Variants in UNC13C observed in about 807,000 individuals in gnomAD.
UNC13C encodes the protein protein unc-13 homolog C.
In UNC13C, 174 loss-of-function variants were observed where a neutral mutation model predicts 245.4. The ratio of observed to expected loss-of-function variants is 0.71; its 90% confidence interval spans 0.63 to 0.80. UNC13C has a LOEUF of 0.80. UNC13C is among the 30% of genes least tolerant of loss of function. The probability of loss-of-function intolerance (pLI) is 0.00; values close to 1 mark genes in which losing one functional copy is unlikely to be tolerated. For synonymous variants in UNC13C, 992 were observed against 895.1 expected, an observed-to-expected ratio of 1.11 and a Z score of -1.93; for missense variants, 2,829 against 2,602.9, an observed-to-expected ratio of 1.09 and a Z score of -1.89.
At chr15:54,238,087 T>TTTTTTC (rs1402521742) in intron 7 of UNC13C, among the ~76,000 whole-genome samples, 1 of 148,420 alleles carries the variant, frequency 6.7e-6, no homozygotes, top group East Asian at 2.0e-4. Flanking sequence ...TTTTTTTTTT[T>TTTTTTC]TTTTTTTGAG....
chr15:54,075,594 G>T (rs1442449722), intron 2 of UNC13C, among the ~76,000 whole-genome samples: 1 of 143,716 alleles, frequency 7.0e-6, no homozygotes, highest in East Asian at 2.1e-4. Flanking sequence ...GTCCAAAACT[G>T]CAATTGCTTT....
At chr15:53,893,902 G>GA in the UNC13C span, among the ~76,000 whole-genome samples, 4 of 152,020 alleles carry the variant, frequency 2.6e-5, no homozygotes, top group South Asian at 4.2e-4. Context: ...CTGGGGTTTG[G>GA]AAAAAAAACT....
chr15:54,454,617 C>G (rs1026502133), intron 19 of UNC13C, among the ~76,000 whole-genome samples: 6 of 151,646 alleles, frequency 4.0e-5, no homozygotes, highest in African/African-American at 1.4e-4. Flanking sequence ...CTCCAAGCCC[C>G]TGATATCTTC....
intron 4 of UNC13C, among the ~76,000 whole-genome samples, chr15:54,204,558 C>G (rs1394121703): frequency 2.0e-5 from 3 of 151,958 alleles, no homozygotes; most frequent in African/African-American, 7.2e-5. Flanking sequence ...TTTGTCTACA[C>G]GTTTAATGTG....
the UNC13C span, among the ~76,000 whole-genome samples, chr15:53,947,050 C>A: frequency 6.6e-6 from 1 of 152,102 alleles, no homozygotes; most frequent in Non-Finnish European, 1.5e-5. Flanking sequence ...ATGAAACTTT[C>A]AATTTTTTAT....
intron 4 of UNC13C, among the ~76,000 whole-genome samples, chr15:54,220,323 A>C (rs917817688): frequency 3.3e-5 from 5 of 149,832 alleles, no homozygotes; most frequent in African/African-American, 1.3e-4. Flanking sequence ...GGAAATCATC[A>C]TTCTCAGTAA....
chr15:54,579,633 C>A (rs1476289063), intron 30 of UNC13C, among the ~76,000 whole-genome samples: 15 of 152,268 alleles, frequency 9.9e-5, no homozygotes, highest in African/African-American at 3.4e-4. Flanking sequence ...GTGGCACGCA[C>A]CTGCAGTCCC....
chr15:54,106,139 T>A, intron 2 of UNC13C, among the ~76,000 whole-genome samples: 1 of 152,156 alleles, frequency 6.6e-6, no homozygotes, highest in East Asian at 1.9e-4. Flanking sequence ...TTAAGCAGAT[T>A]TTAGTAATAA....
At chr15:54,219,375 C>T (rs1220513276) in intron 4 of UNC13C, among the ~76,000 whole-genome samples, 1 of 152,126 alleles carries the variant, frequency 6.6e-6, no homozygotes, top group East Asian at 1.9e-4. Flanking sequence ...ATAAATGGTG[C>T]TGGGAAAACT....
chr15:54,254,917 A>C (rs1006856067), intron 8 of UNC13C, among the ~76,000 whole-genome samples: 3 of 152,074 alleles, frequency 2.0e-5, no homozygotes, highest in Non-Finnish European at 4.4e-5. Flanking sequence ...CCGCCATGAT[A>C]ACTCCTCAGG....
chr15:54,584,487 A>G (rs761539552), intron 30 of UNC13C, among the ~76,000 whole-genome samples: 4 of 152,250 alleles, frequency 2.6e-5, no homozygotes, highest in Non-Finnish European at 4.4e-5. Flanking sequence ...TAAACGTGCA[A>G]AACTGTGAGT....
rs189961071 is a variant in UNC13C, at chr15:54,004,834, G to T, written c.-256-7814G>T. 2.4e-4 allele frequency among the ~76,000 whole-genome samples: 36 copies of T among 152,186 alleles called. No individual in the cohort carries two copies. The Middle Eastern group carries it at 0.01, about 43-fold the overall frequency. ...TGATAAATGTCTATTCAAGTGTTTT[G>T]CCCATTTTTAAATTGGATTATTAGA... On this transcript the variant is annotated intron_variant, in intron 1 of 32. Coordinates refer to ENST00000260323, the MANE Select transcript of UNC13C (RefSeq NM_001080534.3).
chr15:54,407,793 A>G (rs936812987), intron 18 of UNC13C, among the ~76,000 whole-genome samples: 22 of 152,320 alleles, frequency 1.4e-4, no homozygotes, highest in African/African-American at 4.6e-4. Context: ...TATGAAGCCA[A>G]TAATTTAAAC....
In UNC13C at chr15:54,494,859, A is replaced by C. The variant is rs140333272; in HGVS notation, c.5060+125A>C. 52 of 1,192,840 alleles carry C rather than the reference A, an allele frequency of 4.4e-5. No individual in the cohort carries two copies. The East Asian group carries it at 1.3e-3, about 29-fold the overall frequency. 73.9% of individuals were successfully genotyped at this position (1,192,840 alleles called of 1,614,324 possible). ...TCATTGGAATGCAGAAATTTCCATT[A>C]TGAAGTTAACATTAAAGGATTTGCA... On this transcript the variant is annotated intron_variant, in intron 20 of 32. Transcript: ENST00000260323.
chr15:54,016,412 C>A (rs1895662443), intron 2 of UNC13C, among the ~76,000 whole-genome samples: 2 of 152,190 alleles, frequency 1.3e-5, no homozygotes, highest in Non-Finnish European at 2.9e-5. Flanking sequence ...ACAGGACAGT[C>A]CCATGGAAGA....
intron 24 of UNC13C, among the ~76,000 whole-genome samples, chr15:54,513,572 G>A (rs1373017879): frequency 4.6e-5 from 7 of 152,034 alleles, no homozygotes; most frequent in Admixed American, 2.6e-4. Flanking sequence ...CAGGTTTCAC[G>A]CTATTCATTT....
chr15:54,557,898 T>C (rs935431053), intron 29 of UNC13C, among the ~76,000 whole-genome samples: 1 of 152,084 alleles, frequency 6.6e-6, no homozygotes, highest in Admixed American at 6.6e-5. Flanking sequence ...GTGGCACATA[T>C]ACACCATGGA....
intron 17 of UNC13C, among the ~76,000 whole-genome samples, chr15:54,380,350 T>A (rs559899835): frequency 6.6e-6 from 1 of 152,336 alleles, no homozygotes; most frequent in Non-Finnish European, 1.5e-5. Context: ...TATACATATG[T>A]ATGGTTTTTA....
At chr15:54,028,432 G>A (rs751825627) in intron 2 of UNC13C, among the ~76,000 whole-genome samples, 3 of 152,024 alleles carry the variant, frequency 2.0e-5, no homozygotes, top group African/African-American at 4.8e-5. Flanking sequence ...AATCCATCAC[G>A]TCTCAGCATC....
Sources: gnomAD v4.1 joint callset for allele counts (sites outside exome capture counted in the v4.1 genomes callset) on GRCh38, gnomAD v4.1.1 for gene constraint, MANE v1.5 for transcripts, NCBI Gene and HGNC (gene_info 2026-07-23, HGNC 2026-07-21) for gene names.